Variants in PCDHGB6 observed in about 807,000 individuals in gnomAD.
PCDHGB6 encodes protocadherin gamma-B6.
A neutral mutation model predicts 59.1 loss-of-function variants in PCDHGB6; 51 were observed. The observed-to-expected ratio is 0.86, with a 90% confidence interval of 0.69 to 1.09. The LOEUF is 1.09. Among genes scored for constraint, PCDHGB6 ranks in the 50% least tolerant of loss-of-function variants. The pLI, the probability that PCDHGB6 is intolerant of heterozygous loss-of-function variation, is 0.00. For missense variants in PCDHGB6, 1,148 were observed against 1,205.1 expected (o/e 0.95, Z 0.70); for synonymous variants, 466 against 495.1 (o/e 0.94, Z 0.78).
chr5:141,467,203 C>T (rs896621746), intron 1 of PCDHGB6, among the ~76,000 whole-genome samples: 1 of 152,052 alleles, frequency 6.6e-6, no homozygotes, highest in African/African-American at 2.4e-5. Flanking sequence ...CAGGCACATG[C>T]CACCATGCCT....
chr5:141,437,434 G>A (rs183505868), intron 1 of PCDHGB6, among the ~76,000 whole-genome samples: 409 of 152,312 alleles, frequency 2.7e-3, no homozygotes, highest in Middle Eastern at 6.8e-3. Flanking sequence ...AGCAGCAATA[G>A]CATAGGAATG....
At chr5:141,504,671 G>C (rs1459848730) in intron 2 of PCDHGB6, among the ~76,000 whole-genome samples, 1 of 111,068 alleles carries the variant, frequency 9.0e-6, no homozygotes, top group East Asian at 3.2e-4. Context: ...GGGGGGTGGG[G>C]GTTCTTGTAA....
At chr5:141,430,811 A>T in intron 1 of PCDHGB6, 1 of 1,527,400 alleles carries the variant, frequency 6.5e-7, no homozygotes, top group Non-Finnish European at 8.8e-7. Context: ...CCTGCTGGGA[A>T]TCCTCCTGGG....
chr5:141,478,323 G>A, intron 1 of PCDHGB6: 2 of 1,613,958 alleles, frequency 1.2e-6, no homozygotes, highest in Non-Finnish European at 8.5e-7. Flanking sequence ...TCACTGTACC[G>A]AACACCAGGG....
chr5:141,410,275 C>A lies in PCDHGB6; in HGVS notation c.2073C>A (p.Tyr691Ter). Residue 691 changes from tyrosine to a stop codon, truncating the protein, a stop_gained, in exon 1 of 4, where the codon TAC becomes TAA. Coordinates refer to ENST00000520790, the MANE Select transcript of PCDHGB6 (RefSeq NM_018926.3). LOFTEE classifies it high-confidence loss of function. ...LSDPQAELQF[Y>*]LVVALALISV... ...ACCCCCAGGCTGAACTGCAGTTTTA[C>A]CTGGTGGTGGCCTTGGCCTTAATCT... The A allele has an allele frequency of 6.2e-7, 1 of 1,614,038 alleles. No individual in the cohort carries two copies. Among genetic ancestry groups the A allele is most frequent in the Non-Finnish European group, 8.5e-7 (1 of 1,179,900 alleles).
chr5:141,451,521 TAAAGG>T (rs1187561043), intron 1 of PCDHGB6, among the ~76,000 whole-genome samples: 1 of 152,148 alleles, frequency 6.6e-6, no homozygotes, highest in Non-Finnish European at 1.5e-5. Context: ...TTAGAGCAAG[TAAAGG>T]AGAGTGCCAG....
chr5:141,414,793 G>A lies in PCDHGB6; in HGVS notation c.2418+4173G>A, dbSNP rs756653393. On this transcript the variant is annotated intron_variant, in intron 1 of 3. Transcript: ENST00000520790. ...GCTACAGATGCAGGTGACAGCCAGCGACAGCGGGGATCCTCCACTCAGCAG... is the reference window on the plus strand; with the variant it reads ...GCTACAGATGCAGGTGACAGCCAGCAACAGCGGGGATCCTCCACTCAGCAG... 2.5e-6 allele frequency: 4 copies of A among 1,614,100 alleles called. No individual in the cohort carries two copies. The African/African-American group carries it at 4.0e-5, about 16-fold the overall frequency.
At position 141,487,621 on chromosome 5, in the gene PCDHGB6, A is replaced by G; in HGVS notation, c.2419-7186A>G. The G allele has an allele frequency of 6.2e-7, 1 of 1,614,164 alleles. No individual in the cohort carries two copies. On this transcript the variant is annotated intron_variant, in intron 1 of 3. Transcript: ENST00000520790. This position sits in a 1 kb window ranked among gnomAD's most constrained non-coding sequence, Gnocchi z 5.0. ...ATCTTCTCTATGGGCTAGAGGTGAG[A>G]CCTTTGCAGGCTCAACAAATGCTTG... is the stretch of plus-strand genomic sequence containing the variant.
intron 1 of PCDHGB6, chr5:141,441,955 A>G: frequency 3.1e-6 from 1 of 320,028 alleles, no homozygotes; most frequent in Non-Finnish European, 6.0e-6. Context: ...GCAGGCCAGC[A>G]AGCCCAGGCT....
In PCDHGB6 at chr5:141,491,244, T is replaced by G. The variant is rs754328211; in HGVS notation, c.2419-3563T>G. The G allele has an allele frequency of 6.2e-6, 10 of 1,614,092 alleles. No homozygotes were observed. The South Asian group carries it at 1.1e-4, about 18-fold the overall frequency. ...CCACAGTGCTGCTGGTTCTGGAGGA[T>G]GAGGACCCTGAGGAAATGCCCAAAT... On this transcript the variant is annotated intron_variant, in intron 1 of 3. Transcript: ENST00000520790. This position sits in a 1 kb window ranked among gnomAD's most constrained non-coding sequence, Gnocchi z 6.9.
intron 1 of PCDHGB6, chr5:141,427,221 T>C (rs1312743800): frequency 2.2e-6 from 1 of 456,628 alleles, no homozygotes; most frequent in Non-Finnish European, 4.4e-6. Context: ...TCGTAGCAGT[T>C]ATACCATGAG....
chr5:141,427,099 A>G (rs989437547), intron 1 of PCDHGB6: 3 of 457,936 alleles, frequency 6.6e-6, no homozygotes, highest in African/African-American at 6.0e-5. Context: ...GAGGGTGTCA[A>G]TGCGGAGATC....
chr5:141,490,611 G>A lies in PCDHGB6; in HGVS notation c.2419-4196G>A, dbSNP rs1442281165. 1 of 1,614,052 alleles carries A rather than the reference G, an allele frequency of 6.2e-7. No homozygotes were observed. The highest frequency in any genetic ancestry group is 1.3e-5 in the African/African-American group (1 of 74,914). On this transcript the variant is annotated intron_variant, in intron 1 of 3. Coordinates refer to ENST00000520790, the MANE Select transcript of PCDHGB6 (RefSeq NM_018926.3). This position sits in a 1 kb window ranked among gnomAD's most constrained non-coding sequence, Gnocchi z 5.4. ...ACAATGCACCCCGCTTCAACCAGCA[G>A]CTTTACACTGCTTACATCCTAGAAA...
chr5:141,433,358 C>CCTATCTAT (rs3074541), intron 1 of PCDHGB6: 29,853 of 503,480 alleles, frequency 0.059, 1,017 homozygotes, highest in East Asian at 0.071. Context: ...CTACTGTCTG[C>CCTATCTAT]CTATCTATCT....
At chr5:141,423,757 G>C (rs562479446) in intron 1 of PCDHGB6, 29 of 395,138 alleles carry the variant, frequency 7.3e-5, no homozygotes, top group African/African-American at 6.1e-4. Flanking sequence ...GTTTGGGGGG[G>C]GGGTGGGGCG....
intron 1 of PCDHGB6, chr5:141,413,176 A>T: frequency 6.2e-7 from 1 of 1,601,892 alleles, no homozygotes; most frequent in Non-Finnish European, 8.5e-7. Context: ...CCAGACTACA[A>T]TGGCCGCTCA....
chr5:141,469,595 CAAAAT>C (rs919167679), intron 1 of PCDHGB6, among the ~76,000 whole-genome samples: 3 of 151,998 alleles, frequency 2.0e-5, no homozygotes, highest in Admixed American at 6.6e-5. Context: ...ATAAATAAAA[CAAAAT>C]AAGTAAAATA....
At chr5:141,509,163 C>T (rs561329093) in intron 3 of PCDHGB6, among the ~76,000 whole-genome samples, 1 of 152,204 alleles carries the variant, frequency 6.6e-6, no homozygotes, top group East Asian at 1.9e-4. Context: ...CTCCCGTGTG[C>T]CCTCCTCCTC....
In PCDHGB6 at chr5:141,431,620, G is replaced by T; in HGVS notation, c.2418+21000G>T. 6.2e-7 allele frequency: 1 copy of T among 1,614,232 alleles called. No individual in the cohort carries two copies. The highest frequency in any genetic ancestry group is 8.5e-7 in the Non-Finnish European group (1 of 1,180,050). Reference sequence around the variant, plus strand: ...ATTCCTTCCGGTATGTGGACGACAAGGCGGCCCAAGTTTTCAAACTAGATT... The same window carrying T: ...ATTCCTTCCGGTATGTGGACGACAATGCGGCCCAAGTTTTCAAACTAGATT... On this transcript the variant is annotated intron_variant, in intron 1 of 3. Transcript: ENST00000520790. The surrounding 1 kb of genome is among the most constrained non-coding windows in gnomAD (Gnocchi z 4.8).
Sources: gnomAD v4.1 joint callset for allele counts (sites outside exome capture counted in the v4.1 genomes callset) on GRCh38, gnomAD v4.1.1 for gene constraint, Gnocchi (gnomAD v3.1) non-coding constraint, MANE v1.5 for transcripts, NCBI Gene and HGNC (gene_info 2026-07-23, HGNC 2026-07-21) for gene names.